The following MCC variants were observed in gnomAD, a reference collection of about 807,000 sequenced individuals.
MCC encodes colorectal mutant cancer protein.
Under a neutral mutation model 116.2 loss-of-function variants are expected in MCC, and 90 were observed. The observed-to-expected ratio is 0.77, with a 90% CI of 0.65 to 0.92. The LOEUF (loss-of-function observed/expected upper bound fraction) is 0.92. MCC is among the 40% of genes least tolerant of loss of function. The pLI is 0.00. For synonymous variants in MCC, 578 were observed against 510.5 expected (o/e 1.13, Z -1.78); for missense variants, 1,516 against 1,312.2 (o/e 1.16, Z -2.40).
chr5:113,277,682 T>C (rs1203964351), intron 3 of MCC, among the ~76,000 whole-genome samples: 1 of 152,252 alleles, frequency 6.6e-6, no homozygotes, highest in Non-Finnish European at 1.5e-5. Context: ...GAAGACAGAC[T>C]ATGGTCCTTT....
intron 3 of MCC, among the ~76,000 whole-genome samples, chr5:113,269,733 G>A (rs1765543745): frequency 1.3e-5 from 2 of 152,160 alleles, no homozygotes; most frequent in African/African-American, 4.8e-5. Context: ...CCTTGGTAAT[G>A]TTCATGGAAA....
intron 3 of MCC, among the ~76,000 whole-genome samples, chr5:113,273,780 A>G (rs936050541): frequency 3.9e-5 from 6 of 152,186 alleles, no homozygotes; most frequent in Non-Finnish European, 8.8e-5. Flanking sequence ...TCACAATAAT[A>G]AAGATCAGGA....
At chr5:113,144,782 T>C (rs759802225) in intron 4 of MCC, among the ~76,000 whole-genome samples, 2 of 152,222 alleles carry the variant, frequency 1.3e-5, no homozygotes, top group Admixed American at 6.5e-5. Context: ...GGTTGTTGAA[T>C]GCTTTATCAC....
intron 12 of MCC, among the ~76,000 whole-genome samples, chr5:113,070,843 A>G (rs1753986545): frequency 6.6e-6 from 1 of 152,214 alleles, no homozygotes; most frequent in Non-Finnish European, 1.5e-5. Flanking sequence ...TAACATGCCA[A>G]AAAAATCGAT....
intron 3 of MCC, among the ~76,000 whole-genome samples, chr5:113,168,256 A>G (rs1399611172): frequency 6.6e-6 from 1 of 152,246 alleles, no homozygotes; most frequent in Non-Finnish European, 1.5e-5. Context: ...AGAGAGCCAT[A>G]AAGAATTCAT....
chr5:113,128,087 ATGGAAG>A (rs1229732166), intron 5 of MCC, among the ~76,000 whole-genome samples: 1 of 152,248 alleles, frequency 6.6e-6, no homozygotes, highest in Non-Finnish European at 1.5e-5. Context: ...GGAAAAGTCA[ATGGAAG>A]TATAATTCTT....
chr5:113,024,373 G>T lies in MCC; in HGVS notation c.*2929C>A, dbSNP rs1022326070. ...TTTTTGTAGCTGGTAAGCTCACACT[G>T]ATGGCACTCGCAACTACGGACAGAA... On this transcript the variant is annotated 3_prime_UTR_variant, in exon 19 of 19. Transcript: ENST00000408903. 2 of 152,236 alleles carry T rather than the reference G, an allele frequency of 1.3e-5. No homozygotes were observed. The highest frequency in any genetic ancestry group is 4.8e-5 in the African/African-American group (2 of 41,464). 9.4% of individuals were successfully genotyped at this position (152,236 alleles called of 1,614,324 possible).
chr5:113,194,146 T>C (rs1307973853), intron 3 of MCC, among the ~76,000 whole-genome samples: 1 of 152,176 alleles, frequency 6.6e-6, no homozygotes, highest in East Asian at 1.9e-4. Flanking sequence ...GTCCTGTGAT[T>C]GGCGGAAAAC....
chr5:113,289,883 T>C (rs550306871), intron 3 of MCC, among the ~76,000 whole-genome samples: 7 of 152,226 alleles, frequency 4.6e-5, no homozygotes, highest in Non-Finnish European at 1.0e-4. Context: ...CTTACGCTTA[T>C]GCTAATGCTA....
At chr5:113,481,497 G>C (rs1384471117) in intron 1 of MCC, among the ~76,000 whole-genome samples, 2 of 152,146 alleles carry the variant, frequency 1.3e-5, no homozygotes, top group Non-Finnish European at 2.9e-5. Flanking sequence ...CCAGCACTTT[G>C]AGAGGCTGAG....
chr5:113,450,725 A>G (rs1271287759), intron 1 of MCC, among the ~76,000 whole-genome samples: 1 of 152,212 alleles, frequency 6.6e-6, no homozygotes, highest in Non-Finnish European at 1.5e-5. Context: ...CTTCCATGGT[A>G]CACATGTACC....
intron 3 of MCC, among the ~76,000 whole-genome samples, chr5:113,258,944 T>G (rs959976420): frequency 6.6e-6 from 1 of 152,236 alleles, no homozygotes; most frequent in African/African-American, 2.4e-5. Flanking sequence ...ACAAGGTCTG[T>G]ACTACTCCGA....
At chr5:113,231,887 T>C (rs1468983430) in intron 3 of MCC, among the ~76,000 whole-genome samples, 2 of 152,192 alleles carry the variant, frequency 1.3e-5, no homozygotes, top group Admixed American at 6.5e-5. Context: ...TCTACCTTAG[T>C]AGACTTCAAC....
At chr5:113,173,373 G>A (rs1226439888) in intron 3 of MCC, among the ~76,000 whole-genome samples, 1 of 152,040 alleles carries the variant, frequency 6.6e-6, no homozygotes, top group African/African-American at 2.4e-5. Flanking sequence ...TATTACTACT[G>A]AATAATTATA....
At chr5:113,278,712 C>G (rs573449611) in intron 3 of MCC, among the ~76,000 whole-genome samples, 4 of 152,072 alleles carry the variant, frequency 2.6e-5, no homozygotes, top group African/African-American at 4.8e-5. Context: ...AGAATGTGAG[C>G]GACGTGGCTG....
intron 17 of MCC, among the ~76,000 whole-genome samples, chr5:113,040,059 C>G (rs1156381329): frequency 6.6e-6 from 1 of 150,642 alleles, no homozygotes. Context: ...GTGTGCCAGA[C>G]TGGAAACCTG....
intron 1 of MCC, among the ~76,000 whole-genome samples, chr5:113,455,613 G>A (rs1771521278): frequency 6.6e-6 from 1 of 152,154 alleles, no homozygotes; most frequent in Non-Finnish European, 1.5e-5. Context: ...TAGGATTTCA[G>A]AAATTTGTGT....
rs76311977 is a variant in MCC, at chr5:113,421,416, G to A, written c.171-36204C>T. On this transcript the variant is annotated intron_variant, in intron 1 of 18. Transcript: ENST00000408903. ...AACTTCCCTAGACTTACTGCTCAGA[G>A]AAAATAAAACTCTTTAATTTCATAA... 6.3e-3 allele frequency among the ~76,000 whole-genome samples: 957 copies of A among 152,210 alleles called. 8 individuals are homozygous for A. Among genetic ancestry groups the A allele is most frequent in the African/African-American group, 0.022 (893 of 41,516 alleles).
chr5:113,028,660 T>TA (rs2150205747), intron 18 of MCC, among the ~76,000 whole-genome samples: 1 of 152,336 alleles, frequency 6.6e-6, no homozygotes, highest in Non-Finnish European at 1.5e-5. Flanking sequence ...ACATTTAAGA[T>TA]ACATAATACC....
Sources: allele counts gnomAD v4.1 joint callset (sites outside exome capture counted in the v4.1 genomes callset), GRCh38; gene constraint gnomAD v4.1.1; transcripts MANE v1.5; gene names NCBI Gene and HGNC (gene_info 2026-07-23, HGNC 2026-07-21).